The following PLPPR1 variants were observed in gnomAD, a reference collection of about 807,000 sequenced individuals.
PLPPR1 encodes phospholipid phosphatase related 1, also known as phospholipid phosphatase-related protein type 1.
A neutral mutation model predicts 33.1 loss-of-function variants in PLPPR1; 10 were observed. The ratio of observed to expected loss-of-function variants is 0.30; its 90% CI spans 0.19 to 0.51. PLPPR1 has a LOEUF of 0.51. Among genes scored for constraint, PLPPR1 ranks in the 20% least tolerant of loss-of-function variants. The pLI, the probability that PLPPR1 is intolerant of heterozygous loss-of-function variation, is 0.97. For missense variants in PLPPR1, 304 were observed against 408.1 expected (o/e 0.74, Z 2.20); for synonymous variants, 151 against 151.0 (o/e 1.00, Z 0.00).
chr9:101,269,192 CTTT>C (rs569422356), intron 2 of PLPPR1, among the ~76,000 whole-genome samples: 1 of 145,764 alleles, frequency 6.9e-6, no homozygotes, highest in South Asian at 2.2e-4. Context: ...ATAACTGTGT[CTTT>C]TTTTTTTTAT....
chr9:101,260,544 A>T (rs910934746), intron 2 of PLPPR1, among the ~76,000 whole-genome samples: 1 of 152,164 alleles, frequency 6.6e-6, no homozygotes, highest in African/African-American at 2.4e-5. Context: ...GGAGTCTAAG[A>T]TGACACTGAG....
intron 1 of PLPPR1, among the ~76,000 whole-genome samples, chr9:101,165,571 G>T (rs886775937): frequency 6.6e-6 from 1 of 152,158 alleles, no homozygotes; most frequent in African/African-American, 2.4e-5. Flanking sequence ...TTTTAAAAGA[G>T]ATATTTAAAG....
chr9:101,187,936 C>A (rs1197258299), intron 2 of PLPPR1: 1 of 151,956 alleles, frequency 6.6e-6, no homozygotes, highest in Non-Finnish European at 1.5e-5. Context: ...CTTTTCCCTA[C>A]ATGTTTCCCA....
chr9:101,036,733 A>G (rs1035483272), intron 1 of PLPPR1, among the ~76,000 whole-genome samples: 9 of 151,716 alleles, frequency 5.9e-5, no homozygotes, highest in Admixed American at 5.3e-4. Context: ...AAGAGGAAGA[A>G]GAAGAAAGGA....
chr9:101,146,630 T>C (rs761761891), intron 1 of PLPPR1, among the ~76,000 whole-genome samples: 2 of 152,212 alleles, frequency 1.3e-5, no homozygotes, highest in Non-Finnish European at 2.9e-5. Flanking sequence ...AAGCACGAAG[T>C]GCAGAAGGAA....
intron 1 of PLPPR1, among the ~76,000 whole-genome samples, chr9:101,090,536 C>T (rs1294725497): frequency 6.6e-6 from 1 of 152,148 alleles, no homozygotes; most frequent in Non-Finnish European, 1.5e-5. Context: ...TGACCCACCC[C>T]AGTCTGGCTT....
intron 4 of PLPPR1, among the ~76,000 whole-genome samples, chr9:101,297,418 C>T (rs1828667772): frequency 6.6e-6 from 1 of 152,158 alleles, no homozygotes; most frequent in African/African-American, 2.4e-5. Context: ...TTAAATGAGA[C>T]AATGACAAGA....
intron 2 of PLPPR1, among the ~76,000 whole-genome samples, chr9:101,201,586 A>G (rs1449196904): frequency 6.6e-6 from 1 of 152,190 alleles, no homozygotes; most frequent in African/African-American, 2.4e-5. Flanking sequence ...TAATGATAAT[A>G]CCTGCTTTAC....
At chr9:101,180,694 G>C (rs1826095716) in intron 1 of PLPPR1, among the ~76,000 whole-genome samples, 1 of 151,582 alleles carries the variant, frequency 6.6e-6, no homozygotes, top group African/African-American at 2.4e-5. Context: ...ACAAGCAGAA[G>C]AACAAAATTG....
chr9:101,194,424 T>G (rs1826356020), intron 2 of PLPPR1, among the ~76,000 whole-genome samples: 1 of 152,128 alleles, frequency 6.6e-6, no homozygotes, highest in Admixed American at 6.6e-5. Context: ...TTGAACAATT[T>G]TCTAAAATGT....
chr9:101,169,803 T>G (rs1053331656), intron 1 of PLPPR1, among the ~76,000 whole-genome samples: 2 of 152,078 alleles, frequency 1.3e-5, no homozygotes, highest in East Asian at 3.8e-4. Flanking sequence ...CTTTTCAATT[T>G]TATATTTGAA....
intron 1 of PLPPR1, among the ~76,000 whole-genome samples, chr9:101,046,195 T>C (rs1295757037): frequency 6.6e-6 from 1 of 152,116 alleles, no homozygotes; most frequent in Non-Finnish European, 1.5e-5. Flanking sequence ...TTGGACATTT[T>C]CCCAGTTTTC....
At chr9:101,286,434 T>A (rs573999970) in intron 4 of PLPPR1, among the ~76,000 whole-genome samples, 198 bp downstream of exon 4, 1 of 152,194 alleles carries the variant, frequency 6.6e-6, no homozygotes, top group African/African-American at 2.4e-5. Context: ...TGATTTCAAC[T>A]GATTTTCCCC....
intron 2 of PLPPR1, among the ~76,000 whole-genome samples, chr9:101,236,896 A>G (rs1018622631): frequency 6.6e-6 from 1 of 151,848 alleles, no homozygotes; most frequent in African/African-American, 2.4e-5. Flanking sequence ...CAGTAAGCAA[A>G]CAACCTATAG....
At chr9:101,304,999 G>A (rs1384086985) in intron 4 of PLPPR1, among the ~76,000 whole-genome samples, 1 of 152,034 alleles carries the variant, frequency 6.6e-6, no homozygotes, top group Non-Finnish European at 1.5e-5. Context: ...AAAAAAAAAG[G>A]TAAGAGAGGA....
chr9:101,301,483 G>C (rs1828751240), intron 4 of PLPPR1, among the ~76,000 whole-genome samples: 1 of 152,124 alleles, frequency 6.6e-6, no homozygotes, highest in African/African-American at 2.4e-5. Context: ...CATTTTAACA[G>C]ATAAAGTGAC....
At chr9:101,229,878 A>G (rs1328414410) in intron 2 of PLPPR1, among the ~76,000 whole-genome samples, 1 of 152,160 alleles carries the variant, frequency 6.6e-6, no homozygotes, top group East Asian at 1.9e-4. Context: ...TTAATGTTTA[A>G]TACTCAGTGG....
intron 1 of PLPPR1, among the ~76,000 whole-genome samples, chr9:101,128,221 A>G (rs1413751977): frequency 6.6e-6 from 1 of 152,200 alleles, no homozygotes; most frequent in Admixed American, 6.5e-5. Context: ...TGTGGCTTAC[A>G]TTGGAACACA....
intron 1 of PLPPR1, among the ~76,000 whole-genome samples, chr9:101,144,058 C>A (rs1399851265): frequency 6.6e-6 from 1 of 152,122 alleles, no homozygotes; most frequent in Non-Finnish European, 1.5e-5. Context: ...AAATGTGGCA[C>A]ACATATACCA....
Sources: allele counts gnomAD v4.1 joint callset (sites outside exome capture counted in the v4.1 genomes callset), GRCh38; gene constraint gnomAD v4.1.1; transcripts MANE v1.5; gene names NCBI Gene and HGNC (gene_info 2026-07-23, HGNC 2026-07-21).